Variants in DAB1 observed in about 807,000 individuals in gnomAD.
DAB1 encodes the protein disabled homolog 1.
Under a neutral mutation model 64.6 loss-of-function variants are expected in DAB1, and 15 were observed. The observed-to-expected ratio is 0.23, with a 90% confidence interval of 0.16 to 0.36. The LOEUF (loss-of-function observed/expected upper bound fraction) is 0.36. DAB1 is among the 10% of genes least tolerant of loss of function. The probability of loss-of-function intolerance (pLI) is 1.00; values close to 1 mark genes in which losing one functional copy is unlikely to be tolerated. For missense variants in DAB1, 596 were observed against 706.7 expected (o/e 0.84, Z 1.78); for synonymous variants, 235 against 251.9 (o/e 0.93, Z 0.64).
At chr1:58,089,056 T>C (rs2100607254) in intron 5 of DAB1, among the ~76,000 whole-genome samples, 1 of 152,364 alleles carries the variant, frequency 6.6e-6, no homozygotes, top group African/African-American at 2.4e-5. Context: ...GGCCCTCTGC[T>C]TCACTACTTA....
chr1:58,348,919 G>C (rs1437711256), intron 3 of DAB1, among the ~76,000 whole-genome samples: 2 of 152,180 alleles, frequency 1.3e-5, no homozygotes, highest in Non-Finnish European at 2.9e-5. Context: ...ATGTCATTAG[G>C]AAGATTGGAC....
chr1:58,129,048 G>T (rs2100690373), intron 5 of DAB1, among the ~76,000 whole-genome samples: 1 of 142,630 alleles, frequency 7.0e-6, no homozygotes, highest in Admixed American at 6.9e-5. Flanking sequence ...GTTCCTCCTT[G>T]TACCTCTGGT....
At chr1:58,021,369 G>T (rs1646812653) in intron 5 of DAB1, among the ~76,000 whole-genome samples, 1 of 152,108 alleles carries the variant, frequency 6.6e-6, no homozygotes, top group Admixed American at 6.6e-5. Flanking sequence ...ACTGTATAAG[G>T]TAGTTACTTC....
chr1:57,276,994 A>G (rs1671517942), intron 2 of DAB1, among the ~76,000 whole-genome samples: 1 of 152,204 alleles, frequency 6.6e-6, no homozygotes. Context: ...AAAGAAGGGA[A>G]GAAAGGAAGG....
intron 3 of DAB1, among the ~76,000 whole-genome samples, chr1:58,442,327 G>A (rs923304643): frequency 1.3e-5 from 2 of 152,118 alleles, no homozygotes; most frequent in East Asian, 3.9e-4. Context: ...TGCTGGCCCC[G>A]CTCCAAAACC....
chr1:57,373,032 A>G, intron 1 of DAB1, among the ~76,000 whole-genome samples: 1 of 151,932 alleles, frequency 6.6e-6, no homozygotes, highest in African/African-American at 2.4e-5. Flanking sequence ...AAAAATCCAA[A>G]AATTAGCTGG....
intron 2 of DAB1, among the ~76,000 whole-genome samples, chr1:57,254,142 A>G (rs577856812): frequency 6.6e-6 from 1 of 152,352 alleles, no homozygotes; most frequent in East Asian, 1.9e-4. Flanking sequence ...AAGTGAATGA[A>G]TAATGAAATT....
intron 2 of DAB1, among the ~76,000 whole-genome samples, chr1:57,171,156 G>T (rs1430304683): frequency 6.6e-6 from 1 of 152,184 alleles, no homozygotes; most frequent in African/African-American, 2.4e-5. Flanking sequence ...TGGTGCTATT[G>T]TCTAGCCAGG....
chr1:58,156,170 C>G (rs1368187753), intron 4 of DAB1, among the ~76,000 whole-genome samples: 1 of 152,206 alleles, frequency 6.6e-6, no homozygotes, highest in Admixed American at 6.5e-5. Flanking sequence ...TTACAATATA[C>G]TTTCCCACTC....
At chr1:57,254,382 G>T (rs563188592) in intron 2 of DAB1, among the ~76,000 whole-genome samples, 2 of 152,214 alleles carry the variant, frequency 1.3e-5, no homozygotes, top group South Asian at 4.2e-4. Context: ...GCATCATTAG[G>T]GTAACACACA....
chr1:58,289,571 C>T (rs1661767703), intron 4 of DAB1, among the ~76,000 whole-genome samples: 1 of 152,140 alleles, frequency 6.6e-6, no homozygotes, highest in Admixed American at 6.5e-5. Context: ...CCCCACTGAA[C>T]TATAAAAATG....
At chr1:57,557,279 T>G (rs1645000413) in intron 7 of DAB1, among the ~76,000 whole-genome samples, 1 of 152,128 alleles carries the variant, frequency 6.6e-6, no homozygotes, top group Non-Finnish European at 1.5e-5. Flanking sequence ...GCTGGATGCT[T>G]CCTGTCCTTG....
chr1:58,496,501 T>C (rs1249292475), intron 3 of DAB1, among the ~76,000 whole-genome samples: 3 of 152,156 alleles, frequency 2.0e-5, no homozygotes, highest in Non-Finnish European at 4.4e-5. Flanking sequence ...AGATTTGGTT[T>C]TGTTTTTCGT....
chr1:57,748,712 C>T (rs2101800617), intron 6 of DAB1, among the ~76,000 whole-genome samples: 1 of 152,250 alleles, frequency 6.6e-6, no homozygotes, highest in South Asian at 2.1e-4. Context: ...GGAGAGGTTT[C>T]AGCTGCATTT....
At chr1:57,997,538 G>T (rs187274884) in intron 5 of DAB1, among the ~76,000 whole-genome samples, 2 of 152,178 alleles carry the variant, frequency 1.3e-5, no homozygotes, top group East Asian at 3.9e-4. Flanking sequence ...CTTCTTCCAA[G>T]GAGGCAAGGT....
At chr1:58,375,714 A>G (rs1244755015) in intron 3 of DAB1, among the ~76,000 whole-genome samples, 1 of 140,460 alleles carries the variant, frequency 7.1e-6, no homozygotes, top group African/African-American at 2.6e-5. Flanking sequence ...GTTAGGGAGG[A>G]TTCCCTCTTT....
intron 3 of DAB1, among the ~76,000 whole-genome samples, chr1:58,435,460 C>T (rs953560615): frequency 1.3e-5 from 2 of 152,130 alleles, no homozygotes; most frequent in Non-Finnish European, 2.9e-5. Flanking sequence ...AACAGAGAAG[C>T]GGTAACCCAT....
At chr1:57,352,467 AG>A (rs1199732351) in intron 1 of DAB1, among the ~76,000 whole-genome samples, 2 of 152,168 alleles carry the variant, frequency 1.3e-5, no homozygotes, top group African/African-American at 2.4e-5. Flanking sequence ...TAAGTTCAAA[AG>A]CTTGCATATT....
At chr1:57,005,515 T>C (rs899294569) in intron 14 of DAB1, among the ~76,000 whole-genome samples, 5 of 152,240 alleles carry the variant, frequency 3.3e-5, no homozygotes, top group South Asian at 4.1e-4. Flanking sequence ...AAGATCTTAT[T>C]TGGGGATTGG....
Sources: gnomAD v4.1 joint callset for allele counts (sites outside exome capture counted in the v4.1 genomes callset) on GRCh38, gnomAD v4.1.1 for gene constraint, MANE v1.5 for transcripts, NCBI Gene and HGNC (gene_info 2026-07-23, HGNC 2026-07-21) for gene names.